HS3ST5: variants seen among roughly 807,000 people sequenced by gnomAD.
The protein encoded by HS3ST5 is heparan sulfate glucosamine 3-O-sulfotransferase 5.
In HS3ST5, 10 loss-of-function variants were observed where a neutral mutation model predicts 25.4. The ratio of observed to expected loss-of-function variants is 0.39; its 90% CI spans 0.24 to 0.67. The LOEUF is 0.67. HS3ST5 is among the 30% of genes least tolerant of loss of function. The pLI is 0.44. For synonymous variants in HS3ST5, 170 were observed against 162.4 expected, an observed-to-expected ratio of 1.05 and a Z score of -0.36; for missense variants, 324 against 420.7, an observed-to-expected ratio of 0.77 and a Z score of 2.01.
At chr6:114,186,299 T>C (rs1780214936) in intron 2 of HS3ST5, among the ~76,000 whole-genome samples, 1 of 152,080 alleles carries the variant, frequency 6.6e-6, no homozygotes, top group Admixed American at 6.6e-5. Flanking sequence ...ATTAGCCAAG[T>C]TGTGCAAGCA....
At chr6:114,085,099 A>G (rs968059668) in intron 3 of HS3ST5, among the ~76,000 whole-genome samples, 1 of 151,920 alleles carries the variant, frequency 6.6e-6, no homozygotes, top group African/African-American at 2.4e-5. Context: ...CAAAGTGAGA[A>G]AATTTCTTTA....
In HS3ST5 at chr6:114,056,494, C is replaced by A. The variant is rs1424168044; in HGVS notation, c.*763G>T. The A allele has an allele frequency of 6.6e-6, 1 of 150,886 alleles. No individual in the cohort carries two copies. The highest frequency in any genetic ancestry group is 1.5e-5 in the Non-Finnish European group (1 of 67,836). The allele number at this position is 150,886 out of a possible 1,614,324, so 9.3% of individuals were successfully genotyped here. On this transcript the variant is annotated 3_prime_UTR_variant, in exon 5 of 5. Coordinates refer to ENST00000312719, the MANE Select transcript of HS3ST5 (RefSeq NM_153612.4). Reference sequence around the variant, plus strand: ...TTTTAATCCATTCCATTTTTAAATACCACAATAAATTTAATTTTCACAATA... The same window carrying A: ...TTTTAATCCATTCCATTTTTAAATAACACAATAAATTTAATTTTCACAATA...
chr6:114,229,693 T>C (rs910060519), intron 1 of HS3ST5, among the ~76,000 whole-genome samples: 7 of 152,226 alleles, frequency 4.6e-5, no homozygotes, highest in Non-Finnish European at 1.5e-5. Flanking sequence ...ATAAGAAGTA[T>C]GCTGGGTAAG....
intron 1 of HS3ST5, among the ~76,000 whole-genome samples, chr6:114,306,517 G>A (rs558742600): frequency 6.6e-6 from 1 of 151,518 alleles, no homozygotes; most frequent in African/African-American, 2.4e-5. Context: ...TTTAGTGCTC[G>A]ATATTATATT....
At chr6:114,246,759 G>A (rs1390734648) in intron 1 of HS3ST5, among the ~76,000 whole-genome samples, 1 of 152,180 alleles carries the variant, frequency 6.6e-6, no homozygotes, top group African/African-American at 2.4e-5. Context: ...GGTGAGCACT[G>A]TTTACCAACT....
In HS3ST5 at chr6:114,299,956, CCT is replaced by C. The variant is rs532662724; in HGVS notation, c.-339+42237_-339+42238del. On this transcript the variant is annotated intron_variant, in intron 1 of 4. Transcript: ENST00000312719. The stretch of plus-strand genomic sequence containing the variant: ...AAAAAGGACTTCCTGAAAACTGTTC[CCT>C]CTCTCATGTTCTAACACCAGAGAAA... 3.3e-5 allele frequency among the ~76,000 whole-genome samples: 5 copies of C among 152,212 alleles called. No individual in the cohort carries two copies. The South Asian group carries it at 1.0e-3, about 32-fold the overall frequency.
intron 2 of HS3ST5, among the ~76,000 whole-genome samples, chr6:114,174,734 C>T (rs890072773): frequency 6.6e-5 from 10 of 152,140 alleles, no homozygotes; most frequent in Non-Finnish European, 5.9e-5. Context: ...GTGGCTCACT[C>T]CTGTAATCCC....
intron 2 of HS3ST5, among the ~76,000 whole-genome samples, chr6:114,218,203 G>A (rs1384167220): frequency 1.3e-5 from 2 of 151,964 alleles, no homozygotes; most frequent in East Asian, 1.9e-4. Context: ...TCGTCATGTC[G>A]GCCAGGCTGG....
intron 2 of HS3ST5, among the ~76,000 whole-genome samples, chr6:114,221,846 T>C (rs1236356550): frequency 6.6e-6 from 1 of 151,862 alleles, no homozygotes; most frequent in African/African-American, 2.4e-5. Flanking sequence ...ATAGTGATAC[T>C]ATAATAATTT....
rs187717143 is a variant in HS3ST5 at position 114,267,500 on chromosome 6, C to T, written c.-338-38722G>A. ...AGGAAGGGTGAAGCAGATGACAGAT[C>T]CCAGAGAACTGAGCAGAGAATCAGA... On this transcript the variant is annotated intron_variant, in intron 1 of 4. Coordinates refer to ENST00000312719, the MANE Select transcript of HS3ST5 (RefSeq NM_153612.4). Among the ~76,000 whole-genome samples the T allele has an allele frequency of 3.5e-4, 54 of 152,266 alleles. 1 individual carries two copies. The East Asian group carries it at 0.01, about 28-fold the overall frequency.
At chr6:114,312,529 A>C (rs922726549) in intron 1 of HS3ST5, among the ~76,000 whole-genome samples, 12 of 152,164 alleles carry the variant, frequency 7.9e-5, no homozygotes, top group Non-Finnish European at 1.3e-4. Context: ...AAAACTGAGA[A>C]ATTGAACTTC....
At chr6:114,101,124 C>T (rs1419847609) in intron 3 of HS3ST5, among the ~76,000 whole-genome samples, 1 of 151,974 alleles carries the variant, frequency 6.6e-6, no homozygotes, top group Non-Finnish European at 1.5e-5. Flanking sequence ...TTGGCAGTCT[C>T]GATTAAATGT....
At chr6:114,103,326 G>T (rs1387080633) in intron 3 of HS3ST5, among the ~76,000 whole-genome samples, 1 of 151,724 alleles carries the variant, frequency 6.6e-6, no homozygotes, top group Non-Finnish European at 1.5e-5. Flanking sequence ...GCAAGACCTT[G>T]ACTCTTAAAA....
intron 2 of HS3ST5, among the ~76,000 whole-genome samples, chr6:114,177,781 T>G (rs1332443240): frequency 1.3e-5 from 2 of 152,202 alleles, no homozygotes; most frequent in African/African-American, 4.8e-5. Flanking sequence ...AACTTATAAA[T>G]GTACATGAAA....
intron 1 of HS3ST5, among the ~76,000 whole-genome samples, chr6:114,328,065 T>C (rs1562277300): frequency 1.3e-5 from 2 of 152,140 alleles, no homozygotes; most frequent in South Asian, 4.1e-4. Context: ...AGCCTTCTTA[T>C]TGTAAAAAAG....
At chr6:114,060,676 A>G (rs1773057691) in intron 4 of HS3ST5, among the ~76,000 whole-genome samples, 1 of 152,154 alleles carries the variant, frequency 6.6e-6, no homozygotes. Context: ...CCTGGCTGAG[A>G]GTGGCTGATA....
chr6:114,170,381 T>A (rs1023479071), intron 2 of HS3ST5, among the ~76,000 whole-genome samples: 1 of 152,158 alleles, frequency 6.6e-6, no homozygotes, highest in African/African-American at 2.4e-5. Flanking sequence ...TTTTAAAAAT[T>A]TAATCACAAA....
In HS3ST5 at chr6:114,175,384, G is replaced by A. The variant is rs184315827; in HGVS notation, c.-144-6922C>T. Among the ~76,000 whole-genome samples, 286 of 152,272 alleles carry A rather than the reference G, an allele frequency of 1.9e-3. 2 individuals carry two copies. The highest frequency in any genetic ancestry group is 6.6e-3 in the African/African-American group (276 of 41,560). On this transcript the variant is annotated intron_variant, in intron 2 of 4. Transcript: ENST00000312719. ...ACTTAAATCTAATGAAGCAGCTGTAGATAACTAAATTATGATTATGACAGA... is the reference window on the plus strand; with the variant it reads ...ACTTAAATCTAATGAAGCAGCTGTAAATAACTAAATTATGATTATGACAGA...
At chr6:114,112,801 T>G (rs911255358) in intron 3 of HS3ST5, among the ~76,000 whole-genome samples, 1 of 152,174 alleles carries the variant, frequency 6.6e-6, no homozygotes, top group African/African-American at 2.4e-5. Flanking sequence ...AGCTTATGCT[T>G]CTTACTTTAC....
Sources: gnomAD v4.1 joint callset for allele counts (sites outside exome capture counted in the v4.1 genomes callset) on GRCh38, gnomAD v4.1.1 for gene constraint, MANE v1.5 for transcripts, NCBI Gene and HGNC (gene_info 2026-07-23, HGNC 2026-07-21) for gene names.